The following SLC17A6 variants were observed in gnomAD, a reference collection of about 807,000 sequenced individuals.
The protein encoded by SLC17A6 is vesicular glutamate transporter 2.
SLC17A6 carries 35 observed loss-of-function variants against 67.1 expected under a neutral mutation model. That is an observed-to-expected ratio of 0.52 (90% CI 0.40 to 0.69). SLC17A6 has a LOEUF of 0.69. SLC17A6 is among the 30% of genes least tolerant of loss of function. The pLI, the probability that SLC17A6 is intolerant of heterozygous loss-of-function variation, is 0.00. For synonymous variants in SLC17A6, 285 were observed against 252.3 expected, an observed-to-expected ratio of 1.13 and a Z score of -1.23; for missense variants, 588 against 723.9, an observed-to-expected ratio of 0.81 and a Z score of 2.15.
chr11:22,342,783 A>C, intron 2 of SLC17A6: 1 of 343,284 alleles, frequency 2.9e-6, no homozygotes, highest in Admixed American at 3.7e-5. Flanking sequence ...TGCACCTTTC[A>C]CCATTTGCTC....
intron 3 of SLC17A6, among the ~76,000 whole-genome samples, chr11:22,347,076 C>G (rs1428841415): frequency 1.3e-5 from 2 of 151,594 alleles, no homozygotes; most frequent in Non-Finnish European, 2.9e-5. Flanking sequence ...CACTTATCAC[C>G]ACCTGTCATA....
chr11:22,365,611 T>A lies in SLC17A6; in HGVS notation c.813T>A (p.His271Gln), dbSNP rs1856102822. The A allele has an allele frequency of 6.2e-7, 1 of 1,613,882 alleles. No homozygotes were observed. Among genetic ancestry groups the A allele is most frequent in the African/African-American group, 1.3e-5 (1 of 74,926 alleles). Residue 271 changes from histidine (H) to glutamine (Q), a missense_variant, in exon 7 of 12, where the codon CAT (histidine) becomes CAA (glutamine). By Grantham distance (24) the His-to-Gln change is conservative. Coordinates refer to ENST00000263160, the MANE Select transcript of SLC17A6 (RefSeq NM_020346.3). ...TGTCTTATGAAAGTCCTGCAAAGCA[T>A]CCTACTATTACAGATGAAGAACGTA... The part of the protein sequence containing the change: ...LLVSYESPAK[H>Q]PTITDEERRY...
At chr11:22,374,023 C>T (rs1245077026) in intron 8 of SLC17A6, among the ~76,000 whole-genome samples, 2 of 152,118 alleles carry the variant, frequency 1.3e-5, no homozygotes, top group East Asian at 1.9e-4. Flanking sequence ...TCCACGTATG[C>T]GGTAATACAT....
chr11:22,348,852 A>G (rs573376048), intron 3 of SLC17A6, among the ~76,000 whole-genome samples: 6 of 152,296 alleles, frequency 3.9e-5, no homozygotes, highest in Admixed American at 2.6e-4. Flanking sequence ...TGTTAGAATA[A>G]TTTTCGAAAG....
At position 22,342,920 on chromosome 11, in the gene SLC17A6, A is replaced by C. The variant is rs144772675; in HGVS notation, c.340-327A>C. On this transcript the variant is annotated intron_variant, in intron 2 of 11. Coordinates refer to ENST00000263160, the MANE Select transcript of SLC17A6 (RefSeq NM_020346.3). The stretch of plus-strand genomic sequence containing the variant: ...CAGGCGTCTCCACATCTGGCTAACA[A>C]ATCTCTTCATGGGGAGTCCGAATTT... 3.5e-3 allele frequency: 1,675 copies of C among 482,818 alleles called. 5 individuals are homozygous for C. The highest frequency in any genetic ancestry group is 5.5e-3 in the Non-Finnish European group (1,345 of 245,134). 29.9% of individuals were successfully genotyped at this position (482,818 alleles called of 1,614,324 possible).
intron 7 of SLC17A6, among the ~76,000 whole-genome samples, chr11:22,366,464 CAT>C (rs1242527805): frequency 6.6e-6 from 1 of 151,992 alleles, no homozygotes; most frequent in Non-Finnish European, 1.5e-5. Context: ...AGAATTATAA[CAT>C]AATTTAATTA....
chr11:22,364,344 A>G (rs910057944), intron 6 of SLC17A6, among the ~76,000 whole-genome samples: 4 of 151,876 alleles, frequency 2.6e-5, no homozygotes, highest in Non-Finnish European at 5.9e-5. Context: ...TGTGCCATCC[A>G]CTCTACTTGT....
chr11:22,356,250 T>C (rs1195807042), intron 3 of SLC17A6, among the ~76,000 whole-genome samples: 1 of 152,222 alleles, frequency 6.6e-6, no homozygotes, highest in Non-Finnish European at 1.5e-5. Context: ...AATACTCTCC[T>C]GTGAATATAG....
chr11:22,373,503 A>G (rs943581659), intron 8 of SLC17A6, among the ~76,000 whole-genome samples: 1 of 151,974 alleles, frequency 6.6e-6, no homozygotes, highest in Non-Finnish European at 1.5e-5. Flanking sequence ...ATCTTTATTT[A>G]GGTACCTGTT....
At position 22,343,351 on chromosome 11, in the gene SLC17A6, G is replaced by T. The variant is rs1266383536; in HGVS notation, c.444G>T (p.Arg148=). ...TTCCGGGAGGCTACATCGCGTCTCG[G>T]CTGGCAGCCAACAGGTAATGCGCCA... is the stretch of plus-strand genomic sequence containing the variant. The part of the protein sequence containing the change: ...TQIPGGYIAS[R]LAANRVFGAA... Residue 148 remains arginine (R), a synonymous_variant, in exon 3 of 12, where the codon CGG becomes CGT. Transcript: ENST00000263160. 2 of 1,610,688 alleles carry T rather than the reference G, an allele frequency of 1.2e-6. No homozygotes were observed. Among genetic ancestry groups the T allele is most frequent in the Non-Finnish European group, 1.7e-6 (2 of 1,179,162 alleles).
intron 3 of SLC17A6, among the ~76,000 whole-genome samples, chr11:22,353,080 G>A (rs1431032868): frequency 3.3e-5 from 5 of 152,120 alleles, no homozygotes; most frequent in Non-Finnish European, 5.9e-5. Flanking sequence ...AAAAAGATGC[G>A]AAATAATCAT....
intron 1 of SLC17A6, among the ~76,000 whole-genome samples, chr11:22,340,235 T>A (rs566499399): frequency 3.3e-5 from 5 of 152,308 alleles, no homozygotes; most frequent in African/African-American, 9.6e-5. Context: ...CACGGTAGAT[T>A]GGAAAAAATA....
intron 1 of SLC17A6, 113 bp from the exon 2 acceptor site, chr11:22,341,415 G>T: frequency 2.1e-6 from 3 of 1,451,886 alleles, no homozygotes; most frequent in East Asian, 4.6e-5. Context: ...GAGGGTGGGG[G>T]GAGGTCGACG....
chr11:22,353,421 A>G (rs755248605), intron 3 of SLC17A6, among the ~76,000 whole-genome samples: 8 of 152,198 alleles, frequency 5.3e-5, no homozygotes, highest in African/African-American at 1.2e-4. Context: ...TTAAATGCCT[A>G]CAAGGAACAG....
At chr11:22,342,310 C>G (rs1166946190) in intron 2 of SLC17A6, among the ~76,000 whole-genome samples, 4 of 152,044 alleles carry the variant, frequency 2.6e-5, no homozygotes, top group African/African-American at 9.7e-5. Context: ...GGGAGTCGCG[C>G]CCAGAGAGGG....
rs183076662 is a variant in SLC17A6 at position 22,339,609 on chromosome 11, G to A, written c.86+990G>A. Among the ~76,000 whole-genome samples the A allele has an allele frequency of 1.4e-4, 21 of 152,232 alleles. No individual in the cohort carries two copies. In the East Asian group the frequency reaches 4.1e-3, roughly 29 times the overall value. On this transcript the variant is annotated intron_variant, in intron 1 of 11. Coordinates refer to ENST00000263160, the MANE Select transcript of SLC17A6 (RefSeq NM_020346.3). ...AGAGCAAAATCAAGACGACAGGGCA[G>A]ACATAAAAGGAAAAAGAATTACAAA...
chr11:22,340,921 G>T (rs1242063303), intron 1 of SLC17A6, among the ~76,000 whole-genome samples: 1 of 152,196 alleles, frequency 6.6e-6, no homozygotes, highest in Admixed American at 6.5e-5. Context: ...AGTCCAGGGG[G>T]TGCTCCAGGC....
At chr11:22,367,475 T>C (rs1856125918) in intron 7 of SLC17A6, among the ~76,000 whole-genome samples, 1 of 152,180 alleles carries the variant, frequency 6.6e-6, no homozygotes. Flanking sequence ...AATAGACTAA[T>C]AATTTCTTAC....
chr11:22,347,325 G>A (rs1482908913), intron 3 of SLC17A6, among the ~76,000 whole-genome samples: 1 of 151,930 alleles, frequency 6.6e-6, no homozygotes, highest in African/African-American at 2.4e-5. Context: ...GTAACTGAAT[G>A]ATATAAAATG....
Sources: allele counts gnomAD v4.1 joint callset (sites outside exome capture counted in the v4.1 genomes callset), GRCh38; gene constraint gnomAD v4.1.1; transcripts MANE v1.5; gene names NCBI Gene and HGNC (gene_info 2026-07-23, HGNC 2026-07-21).